ATXN7: variants seen among roughly 807,000 people sequenced by gnomAD.
The protein encoded by ATXN7 is ataxin 7, also known as ataxin-7.
In ATXN7, 12 loss-of-function variants were observed where a neutral mutation model predicts 70.5. The observed-to-expected ratio is 0.17, with a 90% CI of 0.11 to 0.28. The LOEUF (loss-of-function observed/expected upper bound fraction) is 0.28, where lower values mean the gene tolerates loss of function less well. ATXN7 is among the 10% of genes least tolerant of loss of function. The probability of loss-of-function intolerance (pLI) is 1.00; values close to 1 mark genes in which losing one functional copy is unlikely to be tolerated. For missense variants in ATXN7, 1,256 were observed against 1,131.7 expected (o/e 1.11, Z -1.58); for synonymous variants, 498 against 448.7 (o/e 1.11, Z -1.39).
At chr3:63,892,521 T>G (rs921327491) in intron 1 of ATXN7, among the ~76,000 whole-genome samples, 5 of 150,120 alleles carry the variant, frequency 3.3e-5, no homozygotes, top group African/African-American at 1.2e-4. Context: ...ACACCCCAAC[T>G]CCTGTCAACC....
At chr3:63,996,652 C>A in intron 12 of ATXN7, 169 bp downstream of exon 12, 1 of 860,092 alleles carries the variant, frequency 1.2e-6, no homozygotes, top group Non-Finnish European at 1.7e-6. Context: ...GGTTCACGGC[C>A]GTATGAAGGT....
chr3:63,954,152 A>G lies in ATXN7; in HGVS notation c.499+1669A>G, dbSNP rs189852874. On this transcript the variant is annotated intron_variant, in intron 5 of 12. Coordinates refer to ENST00000674280, the MANE Select transcript of ATXN7 (RefSeq NM_001377405.1). ...TAGAGTGGGTACAGAGGTGGATAAG[A>G]TGTCATTTCCCTGCTTCTGAGTTGT... 5.3e-5 allele frequency among the ~76,000 whole-genome samples: 8 copies of G among 152,300 alleles called. No individual in the cohort carries two copies. The East Asian group carries it at 1.5e-3, about 29-fold the overall frequency.
chr3:63,867,914 A>G (rs529142978), intron 1 of ATXN7, among the ~76,000 whole-genome samples: 57 of 152,274 alleles, frequency 3.7e-4, no homozygotes, highest in Non-Finnish European at 8.8e-5. Context: ...AAATAAATAA[A>G]TAAAGTTGTC....
At chr3:63,964,562 C>CCTTACACACATGAAGTGTGG (rs2106701703) in intron 5 of ATXN7, among the ~76,000 whole-genome samples, 1 of 152,258 alleles carries the variant, frequency 6.6e-6, no homozygotes. Flanking sequence ...TATTTGCCTG[C>CCTTACACACATGAAGTGTGG]CTTACACACA....
chr3:63,999,295 C>G, intron 12 of ATXN7, 155 bp from the exon 13 acceptor site: 2 of 638,056 alleles, frequency 3.1e-6, no homozygotes, highest in Middle Eastern at 2.6e-4. Context: ...AAGCTAAGAA[C>G]AAAATCTATA....
intron 1 of ATXN7, among the ~76,000 whole-genome samples, chr3:63,882,431 C>CTGG (rs1201398250): frequency 1.3e-5 from 2 of 148,500 alleles, no homozygotes; most frequent in Admixed American, 1.4e-4. Context: ...GTCACCCAGG[C>CTGG]TGGAGTGCAG....
At chr3:63,901,811 A>C (rs919627821) in intron 2 of ATXN7, 7 of 152,220 alleles carry the variant, frequency 4.6e-5, no homozygotes, top group African/African-American at 1.2e-4. Context: ...TTATTTAGCC[A>C]TAAAAAAGAA....
chr3:63,893,611 G>A (rs1410632985), intron 1 of ATXN7, among the ~76,000 whole-genome samples: 1 of 152,196 alleles, frequency 6.6e-6, no homozygotes, highest in African/African-American at 2.4e-5. Flanking sequence ...GTTCTACGAA[G>A]TGTTGAGAAA....
At chr3:63,964,940 A>G (rs1009685048) in intron 5 of ATXN7, among the ~76,000 whole-genome samples, 1 of 152,188 alleles carries the variant, frequency 6.6e-6, no homozygotes, top group African/African-American at 2.4e-5. Flanking sequence ...AGTGAAGTGG[A>G]GTTAGTGGAG....
chr3:63,875,899 T>C (rs1478422791), intron 1 of ATXN7, among the ~76,000 whole-genome samples: 1 of 152,222 alleles, frequency 6.6e-6, no homozygotes, highest in Non-Finnish European at 1.5e-5. Flanking sequence ...GGTGGTAATA[T>C]GGTGGTTCTT....
At chr3:63,908,277 G>A (rs1419918162) in intron 2 of ATXN7, among the ~76,000 whole-genome samples, 1 of 152,188 alleles carries the variant, frequency 6.6e-6, no homozygotes, top group Non-Finnish European at 1.5e-5. Flanking sequence ...ATGACAAGCT[G>A]TAAGGTACTT....
chr3:63,903,123 G>A (rs994570939), intron 2 of ATXN7, among the ~76,000 whole-genome samples: 2 of 151,898 alleles, frequency 1.3e-5, no homozygotes, highest in Admixed American at 6.6e-5. Context: ...GGCCGGGCAC[G>A]GTGGCTCACG....
intron 5 of ATXN7, among the ~76,000 whole-genome samples, chr3:63,954,536 A>G (rs1355290036): frequency 6.6e-6 from 1 of 152,106 alleles, no homozygotes; most frequent in Non-Finnish European, 1.5e-5. Flanking sequence ...AACCAGAGTG[A>G]TGTGACTTAG....
In ATXN7 at chr3:63,990,760, A is replaced by T. The variant is rs1575997902; in HGVS notation, c.1583A>T (p.Gln528Leu). The change falls in exon 11 of 13, where the codon CAG becomes CTG. Residue 528 changes from glutamine (Q) to leucine (L), a missense_variant. By Grantham distance (113) the Gln-to-Leu change is moderately radical (BLOSUM62 -2). Transcript: ENST00000674280. The part of the protein sequence containing the change: ...PASFCTFGSR[Q>L]IGRGYYVFDS... The stretch of plus-strand genomic sequence containing the variant: ...CAGTTTTGCACATTTGGGAGCCGGC[A>T]GATAGGAAGAGGCTATTACGTGTTT... 2 of 1,614,150 alleles carry T rather than the reference A, an allele frequency of 1.2e-6. No individual in the cohort carries two copies. Among genetic ancestry groups the T allele is most frequent in the Non-Finnish European group, 1.7e-6 (2 of 1,179,992 alleles).
At chr3:63,976,744 T>G (rs1424191608) in intron 5 of ATXN7, among the ~76,000 whole-genome samples, 1 of 152,136 alleles carries the variant, frequency 6.6e-6, no homozygotes, top group Non-Finnish European at 1.5e-5. Context: ...CCTAAAAAAT[T>G]ACTGCACAAT....
chr3:63,935,756 G>A (rs755102244), intron 4 of ATXN7, among the ~76,000 whole-genome samples: 4 of 147,910 alleles, frequency 2.7e-5, no homozygotes, highest in African/African-American at 7.4e-5. Context: ...TAGTACCAAC[G>A]TTTTTTTTTT....
intron 1 of ATXN7, among the ~76,000 whole-genome samples, chr3:63,870,764 A>G (rs144161498): frequency 6.6e-6 from 1 of 152,274 alleles, no homozygotes; most frequent in African/African-American, 2.4e-5. Context: ...CAAGCTGCTA[A>G]CTAGACATTC....
chr3:63,973,887 A>G, intron 5 of ATXN7, among the ~76,000 whole-genome samples: 1 of 152,040 alleles, frequency 6.6e-6, no homozygotes, highest in African/African-American at 2.4e-5. Flanking sequence ...GGAAGGCACA[A>G]CTCAAAGGTG....
intron 4 of ATXN7, among the ~76,000 whole-genome samples, chr3:63,915,060 C>G (rs1056487956): frequency 1.3e-5 from 2 of 152,036 alleles, no homozygotes; most frequent in Admixed American, 6.5e-5. Context: ...CTCAGCCTCC[C>G]GAGTAGCTGG....
Sources: allele counts gnomAD v4.1 joint callset (sites outside exome capture counted in the v4.1 genomes callset), GRCh38; gene constraint gnomAD v4.1.1; transcripts MANE v1.5; gene names NCBI Gene and HGNC (gene_info 2026-07-23, HGNC 2026-07-21).